RNF8: variants seen among roughly 807,000 people sequenced by gnomAD.
The protein encoded by RNF8 is ring finger protein 8.
A neutral mutation model predicts 59.3 loss-of-function variants in RNF8; 8 were observed. The observed-to-expected ratio is 0.13, with a 90% CI of 0.08 to 0.24. The LOEUF (loss-of-function observed/expected upper bound fraction) is 0.24, where lower values mean the gene tolerates loss of function less well. Ranked by LOEUF, RNF8 falls within the 10% of genes least tolerant of loss-of-function variation. RNF8 has a pLI of 1.00. For synonymous variants in RNF8, 162 were observed against 200.0 expected, an observed-to-expected ratio of 0.81 and a Z score of 1.60; for missense variants, 406 against 572.6, an observed-to-expected ratio of 0.71 and a Z score of 2.97.
chr6:37,359,382 C>T (rs1255234147), intron 1 of RNF8: 1 of 256,234 alleles, frequency 3.9e-6, no homozygotes, highest in Non-Finnish European at 7.8e-6. Context: ...ACTAGGTTTT[C>T]CTGAAAACTT....
chr6:37,359,257 G>A lies in RNF8; in HGVS notation c.112-1189G>A, dbSNP rs1042081738. The A allele has an allele frequency of 4.0e-5, 18 of 449,878 alleles. No individual in the cohort carries two copies. In the East Asian group the frequency reaches 6.3e-4, roughly 16 times the overall value. 27.9% of individuals were successfully genotyped at this position (449,878 alleles called of 1,614,324 possible). A position where few individuals can be genotyped will look rare whatever the true frequency, so the allele number is the denominator to read the frequency against. ...CTGGGGCTTCTTTTCAACCTTTTCC[G>A]GAAGCTCTCAAGCTGTTCTTGTGGA... is the stretch of plus-strand genomic sequence containing the variant. On this transcript the variant is annotated intron_variant, in intron 1 of 7. Coordinates refer to ENST00000373479, the MANE Select transcript of RNF8 (RefSeq NM_003958.4).
In RNF8 at chr6:37,386,737, C is replaced by T. The variant is rs1157775850; in HGVS notation, c.1442-4005C>T. On this transcript the variant is annotated intron_variant, in intron 7 of 7. Transcript: ENST00000373479. ...GGAGGCTGCAGCCCAGCTATCAGCC[C>T]ACCAGCCTAGCTTGTCCATCAGGCT... Among the ~76,000 whole-genome samples the T allele has an allele frequency of 2.0e-5, 3 of 152,176 alleles. No homozygotes were observed. In the East Asian group the frequency reaches 5.8e-4, roughly 29 times the overall value.
chr6:37,371,480 G>A, intron 3 of RNF8, 32 bp from the exon 4 acceptor site: 1 of 1,603,564 alleles, frequency 6.2e-7, no homozygotes, highest in Non-Finnish European at 8.5e-7. Flanking sequence ...TTTCCCTGCA[G>A]AGAAACCTTC....
At chr6:37,363,675 G>A (rs565915151) in intron 2 of RNF8, among the ~76,000 whole-genome samples, 66 of 151,302 alleles carry the variant, frequency 4.4e-4, no homozygotes, top group South Asian at 8.4e-4. Flanking sequence ...GTGTAAATTG[G>A]TACAATTTGG....
intron 7 of RNF8, among the ~76,000 whole-genome samples, chr6:37,382,578 C>T (rs1024671859): frequency 2.0e-5 from 3 of 151,962 alleles, no homozygotes; most frequent in Non-Finnish European, 4.4e-5. Flanking sequence ...AGTCGGGGGA[C>T]GGGGTTGGGG....
intron 3 of RNF8, 35 bp from the exon 4 acceptor site, chr6:37,371,477 G>C (rs996589302): frequency 2.1e-5 from 33 of 1,594,820 alleles, no homozygotes; most frequent in Non-Finnish European, 2.8e-5. Context: ...TCTTTTCCCT[G>C]CAGAGAAACC....
chr6:37,372,249 TG>T (rs983854786), intron 4 of RNF8, among the ~76,000 whole-genome samples: 1 of 152,224 alleles, frequency 6.6e-6, no homozygotes, highest in Non-Finnish European at 1.5e-5. Context: ...CAAATCTCAT[TG>T]GAAAGAGTGA....
intron 7 of RNF8, among the ~76,000 whole-genome samples, chr6:37,386,447 T>C (rs916962416): frequency 6.6e-6 from 1 of 152,206 alleles, no homozygotes; most frequent in Non-Finnish European, 1.5e-5. Context: ...CGGAAAAGTT[T>C]TCACAGCTTA....
At chr6:37,383,944 C>A (rs1396733920) in intron 7 of RNF8, among the ~76,000 whole-genome samples, 1 of 152,000 alleles carries the variant, frequency 6.6e-6, no homozygotes, top group Non-Finnish European at 1.5e-5. Context: ...TTCTTCTGTT[C>A]TCATTCGATG....
intron 7 of RNF8, among the ~76,000 whole-genome samples, chr6:37,388,764 C>T (rs974182329): frequency 6.8e-6 from 1 of 146,464 alleles, no homozygotes; most frequent in Non-Finnish European, 1.5e-5. Flanking sequence ...CATAGTGAGA[C>T]CCCCATCTCA....
rs1182294498 is a variant in RNF8, at chr6:37,360,871, G to A, written c.240+297G>A. Among the ~76,000 whole-genome samples the A allele has an allele frequency of 2.6e-5, 4 of 152,104 alleles. No individual in the cohort carries two copies. Among genetic ancestry groups the A allele is most frequent in the Admixed American group, 1.3e-4 (2 of 15,258 alleles). On this transcript the variant is annotated intron_variant, in intron 2 of 7. Transcript: ENST00000373479. The surrounding 1 kb of genome is among the most constrained non-coding windows in gnomAD (Gnocchi z 4.2). The stretch of plus-strand genomic sequence containing the variant: ...TACTGGGCAAATAAGCCTGTTTGAG[G>A]TGAAGCTCCCAGAGACCCTGGGAAT...
chr6:37,379,130 C>T (rs771046284), intron 6 of RNF8, among the ~76,000 whole-genome samples: 9 of 152,202 alleles, frequency 5.9e-5, no homozygotes, highest in Non-Finnish European at 1.3e-4. Flanking sequence ...GATCCTGCCT[C>T]AGCCTCCGGA....
intron 7 of RNF8, among the ~76,000 whole-genome samples, chr6:37,382,972 CAAAA>C (rs1236176308): frequency 3.4e-5 from 3 of 87,986 alleles, no homozygotes; most frequent in Non-Finnish European, 4.6e-5. Flanking sequence ...GACTCTGTCT[CAAAA>C]AAAAAAAAAA....
At chr6:37,379,357 C>G (rs535281948) in intron 6 of RNF8, among the ~76,000 whole-genome samples, 2 of 152,130 alleles carry the variant, frequency 1.3e-5, no homozygotes, top group Non-Finnish European at 2.9e-5. Flanking sequence ...GAGAGCTTGT[C>G]TCATGTAATA....
Position 37,368,896 on chromosome 6 carries a change from C to T in RNF8, c.653C>T (p.Ala218Val), listed in dbSNP as rs776386786. The T allele has an allele frequency of 3.7e-6, 6 of 1,614,072 alleles. No homozygotes were observed. Among genetic ancestry groups the T allele is most frequent in the Non-Finnish European group, 5.1e-6 (6 of 1,180,040 alleles). The stretch of plus-strand genomic sequence containing the variant: ...CTTGAGCCAAGTAAGACCACAGGGG[C>T]TCCCATTTACCCTGGCTTCCCCAAA... ...TALEPSKTTG[A>V]PIYPGFPKVT... is the part of the protein sequence containing the mutation. Residue 218 changes from alanine (A) to valine (V), a missense_variant, in exon 3 of 8, where the codon GCT (alanine) becomes GTT (valine). Coordinates refer to ENST00000373479, the MANE Select transcript of RNF8 (RefSeq NM_003958.4).
rs962392301 is a variant in RNF8, at chr6:37,392,495, A to G, written c.*1737A>G. 2 of 398,508 alleles carry G rather than the reference A, an allele frequency of 5.0e-6. No individual in the cohort carries two copies. The highest frequency in any genetic ancestry group is 4.1e-5 in the African/African-American group (2 of 48,636). 24.7% of individuals were successfully genotyped at this position (398,508 alleles called of 1,614,324 possible). A position where few individuals can be genotyped will look rare whatever the true frequency, so the allele number is the denominator to read the frequency against. ...CAACAAGTATTACAGTTGCTTGTATATTCTTCCAGAGATCTCTGTCTATAC... is the reference window on the plus strand; with the variant it reads ...CAACAAGTATTACAGTTGCTTGTATGTTCTTCCAGAGATCTCTGTCTATAC... On this transcript the variant is annotated 3_prime_UTR_variant, in exon 8 of 8. Transcript: ENST00000373479.
intron 7 of RNF8, among the ~76,000 whole-genome samples, chr6:37,388,257 G>A (rs1227965518): frequency 6.6e-6 from 1 of 152,176 alleles, no homozygotes; most frequent in Admixed American, 6.5e-5. Context: ...GGACTGCAAG[G>A]GAGCTCAGAT....
At position 37,391,065 on chromosome 6, in the gene RNF8, G is replaced by A; in HGVS notation, c.*307G>A. 3.7e-6 allele frequency: 2 copies of A among 543,430 alleles called. No homozygotes were observed. The highest frequency in any genetic ancestry group is 6.5e-6 in the Non-Finnish European group (2 of 305,386). The allele number at this position is 543,430 out of a possible 1,614,324, so 33.7% of individuals were successfully genotyped here. A position where few individuals can be genotyped will look rare whatever the true frequency, so the allele number is the denominator to read the frequency against. ...TTCTGTTTTTTTTTAATTTGTTGTT[G>A]TTGTTACTGTTTTGATACCTCGGAA... is the stretch of plus-strand genomic sequence containing the variant. On this transcript the variant is annotated 3_prime_UTR_variant, in exon 8 of 8. Transcript: ENST00000373479.
intron 1 of RNF8, among the ~76,000 whole-genome samples, chr6:37,355,816 CAT>C (rs1242943421): frequency 4.6e-5 from 7 of 152,168 alleles, no homozygotes; most frequent in East Asian, 3.8e-4. Flanking sequence ...TTTCCAACAG[CAT>C]ATGTTTGTGG....
Sources: gnomAD v4.1 joint callset for allele counts (sites outside exome capture counted in the v4.1 genomes callset) on GRCh38, gnomAD v4.1.1 for gene constraint, Gnocchi (gnomAD v3.1) non-coding constraint, MANE v1.5 for transcripts, NCBI Gene and HGNC (gene_info 2026-07-23, HGNC 2026-07-21) for gene names.